Variants in PRRT1B observed in about 807,000 individuals in gnomAD.
PRRT1B encodes the protein dispanin subfamily D member 2.
At chr9:131,547,086 T>C (rs1950981601) in intron 1 of PRRT1B, among the ~76,000 whole-genome samples, 1 of 102,430 alleles carries the variant, frequency 9.8e-6, no homozygotes, top group Non-Finnish European at 2.1e-5. Flanking sequence ...TTTTTTTTTT[T>C]TTTGAGACTG....
rs190538980 is a variant in PRRT1B at position 131,556,399 on chromosome 9, A to C, written c.642+186A>C. Among the ~76,000 whole-genome samples, 814 of 152,252 alleles carry C rather than the reference A, an allele frequency of 5.3e-3. 29 individuals carry two copies. In the East Asian group the frequency reaches 0.091, roughly 17 times the overall value. On this transcript the variant is annotated intron_variant, in intron 3 of 3. Transcript: ENST00000636672. ...CCTTGCTCCTCCTGTCTCTGCCCCC[A>C]ACTATTCAAAATGTGCTGTGGAATG... is the stretch of plus-strand genomic sequence containing the variant.
intron 1 of PRRT1B, among the ~76,000 whole-genome samples, chr9:131,549,014 T>G (rs1316505906): frequency 3.3e-5 from 5 of 152,202 alleles, no homozygotes; most frequent in Non-Finnish European, 7.3e-5. Context: ...TCATGGCTGT[T>G]TGGCAGCAAC....
rs1951034752 is a variant in PRRT1B at position 131,554,645 on chromosome 9, GCCCGCGCAGCCCGCGCTCCCGCAGCT to G, written c.122_147del (p.Gln41ProfsTer174). 2 of 392,366 alleles carry G rather than the reference GCCCGCGCAGCCCGCGCTCCCGCAGCT, an allele frequency of 5.1e-6. No individual in the cohort carries two copies. The highest frequency in any genetic ancestry group is 2.1e-5 in the African/African-American group (1 of 48,338). 24.3% of individuals were successfully genotyped at this position (392,366 alleles called of 1,614,324 possible). A position where few individuals can be genotyped will look rare whatever the true frequency, so the allele number is the denominator to read the frequency against. Reference sequence around the variant, plus strand: ...CCGCCGCCCCCGAGGATCCCCAGATGCCCGCGCAGCCCGCGCTCCCGCAGCTCCCGCGCCGCCCGCGGACCCTGGAC... The same window carrying G: ...CCGCCGCCCCCGAGGATCCCCAGATGCCCGCGCCGCCCGCGGACCCTGGAC... On this transcript the variant is annotated frameshift_variant, in exon 2 of 4. Transcript: ENST00000636672. LOFTEE classifies it high-confidence loss of function.
At chr9:131,552,656 G>T (rs551349402) in intron 1 of PRRT1B, among the ~76,000 whole-genome samples, 12 of 149,116 alleles carry the variant, frequency 8.0e-5, no homozygotes, top group South Asian at 2.1e-4. Context: ...ATGCAGTTTG[G>T]GGGGGAGCCC....
chr9:131,546,569 A>G (rs1457869156), intron 1 of PRRT1B, among the ~76,000 whole-genome samples: 1 of 150,140 alleles, frequency 6.7e-6, no homozygotes, highest in Non-Finnish European at 1.5e-5. Flanking sequence ...GATGGGGCGC[A>G]CCAGTCCCAT....
At chr9:131,557,630 C>A (rs574386285) in intron 3 of PRRT1B, among the ~76,000 whole-genome samples, 6 of 152,322 alleles carry the variant, frequency 3.9e-5, no homozygotes, top group Middle Eastern at 6.8e-3. Flanking sequence ...GCTGTTCAAG[C>A]CCCCAGCCAT....
downstream of PRRT1B, among the ~76,000 whole-genome samples, chr9:131,559,309 G>A (rs1951070356): frequency 6.6e-6 from 1 of 152,200 alleles, no homozygotes; most frequent in South Asian, 2.1e-4. Context: ...CGAGTGTAGT[G>A]GCAGGCGCCT....
At chr9:131,548,979 T>G (rs1227953936) in intron 1 of PRRT1B, among the ~76,000 whole-genome samples, 1 of 152,142 alleles carries the variant, frequency 6.6e-6, no homozygotes, top group Non-Finnish European at 1.5e-5. Flanking sequence ...CTCTTTTTCA[T>G]CAAATATGAA....
intron 1 of PRRT1B, 119 bp downstream of exon 1, chr9:131,545,759 AGGTGCTGGCGGAGCG>A: frequency 6.1e-6 from 2 of 326,378 alleles, no homozygotes; most frequent in Non-Finnish European, 1.0e-5. Context: ...CTGGCGGGGC[AGGTGCTGGCGGAGCG>A]GGTGCTGGAG....
chr9:131,555,176 T>A (rs1245249309), intron 2 of PRRT1B, 147 bp downstream of exon 2: 1 of 367,554 alleles, frequency 2.7e-6, no homozygotes, highest in Non-Finnish European at 4.8e-6. Context: ...TTGAGCGGGG[T>A]TTTGGAGGAT....
intron 1 of PRRT1B, among the ~76,000 whole-genome samples, chr9:131,546,535 C>A (rs796571598): frequency 9.9e-5 from 15 of 152,004 alleles, no homozygotes; most frequent in African/African-American, 3.1e-4. Flanking sequence ...CATCCCCCAG[C>A]GCGACTGATC....
At position 131,556,089 on chromosome 9, in the gene PRRT1B, G is replaced by C. The variant is rs1023596698; in HGVS notation, c.518G>C (p.Gly173Ala). ...CCACAGTACAATGGCCCGATGGCTG[G>C]CGTGCCAGGCCCTGCCACGGTGGAG... The change falls in exon 3 of 4, where the codon GGC (glycine) becomes GCC (alanine). Residue 173 changes from glycine to alanine, a missense_variant. Transcript: ENST00000636672. 5 of 401,032 alleles carry C rather than the reference G, an allele frequency of 1.2e-5. No homozygotes were observed. The South Asian group carries it at 5.0e-4, about 40-fold the overall frequency. The allele number at this position is 401,032 out of a possible 1,614,324, so 24.8% of individuals were successfully genotyped here. A position where few individuals can be genotyped will look rare whatever the true frequency, so the allele number is the denominator to read the frequency against.
exon 2 of PRRT1B, chr9:131,554,747 C>T (rs1951036112): frequency 3.1e-6 from 1 of 324,030 alleles, no homozygotes; most frequent in African/African-American, 2.2e-5. Context: ...GCGAGCCCGC[C>T]CCGGAGGACG....
intron 2 of PRRT1B, among the ~76,000 whole-genome samples, chr9:131,555,857 G>C (rs902906998): frequency 6.6e-6 from 1 of 152,148 alleles, no homozygotes; most frequent in Non-Finnish European, 1.5e-5. Flanking sequence ...GGCTCAGTGG[G>C]ACTGAGGGCT....
In PRRT1B at chr9:131,551,320, C is replaced by G. The variant is rs952412474; in HGVS notation, c.26-3237C>G. Among the ~76,000 whole-genome samples, 2 of 152,048 alleles carry G rather than the reference C, an allele frequency of 1.3e-5. No homozygotes were observed. Among genetic ancestry groups the G allele is most frequent in the Non-Finnish European group, 2.9e-5 (2 of 68,024 alleles). ...TCTATACGACAAATGCTCCTTCTAA[C>G]AACCCCACAATATCACCTCTTACCA... is the stretch of plus-strand genomic sequence containing the variant. On this transcript the variant is annotated intron_variant, in intron 1 of 3. Transcript: ENST00000636672. This position sits in a 1 kb window ranked among gnomAD's most constrained non-coding sequence, Gnocchi z 4.4.
chr9:131,550,119 A>G (rs896170347), intron 1 of PRRT1B, among the ~76,000 whole-genome samples: 3 of 152,200 alleles, frequency 2.0e-5, no homozygotes, highest in Non-Finnish European at 2.9e-5. Context: ...CTGCTACAGC[A>G]TGGGCTTCTA....
intron 3 of PRRT1B, among the ~76,000 whole-genome samples, chr9:131,557,001 T>C (rs149693711): frequency 1.3e-3 from 194 of 151,922 alleles, no homozygotes; most frequent in Non-Finnish European, 2.3e-3. Flanking sequence ...CCATCTACTA[T>C]CCATCTACCA....
intron 1 of PRRT1B, among the ~76,000 whole-genome samples, chr9:131,553,269 A>G (rs1041208089): frequency 6.6e-6 from 1 of 152,016 alleles, no homozygotes; most frequent in African/African-American, 2.4e-5. Flanking sequence ...GAAACTCTAC[A>G]CCCTTGAAAC....
chr9:131,548,238 G>A (rs1035162143), intron 1 of PRRT1B, among the ~76,000 whole-genome samples: 1 of 151,524 alleles, frequency 6.6e-6, no homozygotes, highest in Non-Finnish European at 1.5e-5. Context: ...TTTCCTGGGG[G>A]GCAAGCATCC....
Sources: gnomAD v4.1 joint callset for allele counts (sites outside exome capture counted in the v4.1 genomes callset) on GRCh38, gnomAD v4.1.1 for gene constraint, Gnocchi (gnomAD v3.1) non-coding constraint, MANE v1.5 for transcripts, NCBI Gene and HGNC (gene_info 2026-07-23, HGNC 2026-07-21) for gene names.